The following APPL1 variants were observed in gnomAD, a reference collection of about 807,000 sequenced individuals.
The protein encoded by APPL1 is DCC-interacting protein 13-alpha.
A neutral mutation model predicts 106.8 loss-of-function variants in APPL1; 42 were observed. That is an observed-to-expected ratio of 0.39 (90% CI 0.31 to 0.51). The LOEUF (loss-of-function observed/expected upper bound fraction) is 0.51, where lower values mean the gene tolerates loss of function less well. APPL1 is among the 20% of genes least tolerant of loss of function. The probability of loss-of-function intolerance (pLI) is 0.75; values close to 1 mark genes in which losing one functional copy is unlikely to be tolerated. For missense variants in APPL1, 769 were observed against 858.2 expected, an observed-to-expected ratio of 0.90 and a Z score of 1.30; for synonymous variants, 263 against 281.8, an observed-to-expected ratio of 0.93 and a Z score of 0.67.
At chr3:57,241,330 G>A (rs1480845358) in intron 5 of APPL1, among the ~76,000 whole-genome samples, 1 of 152,156 alleles carries the variant, frequency 6.6e-6, no homozygotes, top group East Asian at 1.9e-4. Flanking sequence ...CTAACAATCT[G>A]CAACCTAGTC....
chr3:57,268,756 T>TTG (rs2060913062), intron 21 of APPL1: 3 of 208,990 alleles, frequency 1.4e-5, no homozygotes. Context: ...GTCAAAGCAG[T>TTG]TGAGAGGCTG....
chr3:57,248,900 G>A (rs142657348), intron 10 of APPL1, among the ~76,000 whole-genome samples: 1 of 152,108 alleles, frequency 6.6e-6, no homozygotes, highest in East Asian at 1.9e-4. Flanking sequence ...ACTAATTTGA[G>A]TTTAAATAAA....
rs2060931488 is a variant in APPL1, at chr3:57,270,703, A to T, written c.*1016A>T. On this transcript the variant is annotated 3_prime_UTR_variant, in exon 22 of 22. Coordinates refer to ENST00000288266, the MANE Select transcript of APPL1 (RefSeq NM_012096.3). ...AGTATTTTCATAATGCCATGTTTTGATAAAGTACTGAATCACCACTTTATA... is the reference window on the plus strand; with the variant it reads ...AGTATTTTCATAATGCCATGTTTTGTTAAAGTACTGAATCACCACTTTATA... The T allele has an allele frequency of 6.6e-6, 1 of 152,590 alleles. No homozygotes were observed. The highest frequency in any genetic ancestry group is 1.5e-5 in the Non-Finnish European group (1 of 68,022). 9.5% of individuals were successfully genotyped at this position (152,590 alleles called of 1,614,324 possible). A position where few individuals can be genotyped will look rare whatever the true frequency, so the allele number is the denominator to read the frequency against.
chr3:57,269,982 G>C lies in APPL1; in HGVS notation c.*295G>C, dbSNP rs1044886827. 4.7e-6 allele frequency: 1 copy of C among 211,302 alleles called. No homozygotes were observed. The allele number at this position is 211,302 out of a possible 1,614,324, so 13.1% of individuals were successfully genotyped here. On this transcript the variant is annotated 3_prime_UTR_variant, in exon 22 of 22. Transcript: ENST00000288266. ...TCAAGAATTTTTTCCGTCAAATTGT[G>C]AACTTTTAATTCTTGCATTGTAATT... is the stretch of plus-strand genomic sequence containing the variant.
intron 19 of APPL1, among the ~76,000 whole-genome samples, chr3:57,266,355 A>G (rs977106265): frequency 3.3e-5 from 5 of 152,050 alleles, no homozygotes; most frequent in African/African-American, 1.2e-4. Flanking sequence ...ACTTTTTATT[A>G]TGGTTTGGAT....
At chr3:57,255,982 T>G (rs9840824) in intron 13 of APPL1, among the ~76,000 whole-genome samples, 12,867 of 152,236 alleles carry the variant, frequency 0.085, 1,814 homozygotes, top group African/African-American at 0.29. Flanking sequence ...TGATCAGTTT[T>G]TAGCATTGTA....
At chr3:57,233,493 AAAAAAC>A (rs1476580958) in intron 1 of APPL1, among the ~76,000 whole-genome samples, 1 of 152,000 alleles carries the variant, frequency 6.6e-6, no homozygotes, top group East Asian at 1.9e-4. Flanking sequence ...TTAGAAAAAA[AAAAAAC>A]AAAACAGAAA....
At chr3:57,246,338 G>C in intron 8 of APPL1, 116 bp downstream of exon 8, 1 of 745,908 alleles carries the variant, frequency 1.3e-6, no homozygotes, top group Non-Finnish European at 1.9e-6. Flanking sequence ...GTTTATGTCT[G>C]TGTTTTAAGA....
At chr3:57,264,649 T>C (rs939982869) in intron 19 of APPL1, among the ~76,000 whole-genome samples, 3 of 151,852 alleles carry the variant, frequency 2.0e-5, no homozygotes, top group East Asian at 1.9e-4. Flanking sequence ...TTTATTCTTC[T>C]ACATATGGAT....
chr3:57,255,794 T>C (rs2060832143), intron 13 of APPL1, among the ~76,000 whole-genome samples: 1 of 152,186 alleles, frequency 6.6e-6, no homozygotes. Flanking sequence ...CAACAAAAAA[T>C]ACCATTAAAA....
In APPL1 at chr3:57,247,446, T is replaced by A. The variant is rs1485635092; in HGVS notation, c.673T>A (p.Phe225Ile). ...AAATCTTAATGAACAACTGGAAGAA[T>A]TTTTAGCTAATATTGGAACAAGCGT... Reference protein sequence around the residue: ...SENLNEQLEEFLANIGTSVQN... With the variant: ...SENLNEQLEEILANIGTSVQN... Residue 225 changes from phenylalanine to isoleucine, a missense_variant, in exon 9 of 22, where the codon TTT (phenylalanine) becomes ATT (isoleucine). Coordinates refer to ENST00000288266, the MANE Select transcript of APPL1 (RefSeq NM_012096.3). The A allele has an allele frequency of 6.2e-7, 1 of 1,610,750 alleles. No individual in the cohort carries two copies. The highest frequency in any genetic ancestry group is 2.2e-5 in the East Asian group (1 of 44,714).
At chr3:57,257,685 C>A (rs1419530896) in intron 15 of APPL1, among the ~76,000 whole-genome samples, 1 of 152,086 alleles carries the variant, frequency 6.6e-6, no homozygotes, top group African/African-American at 2.4e-5. Flanking sequence ...TTCTTGGATA[C>A]TTGCTCTTAA....
In APPL1 at chr3:57,248,229, G is replaced by A. The variant is rs1443429673; in HGVS notation, c.741G>A (p.Met247Ile). 1 of 1,614,156 alleles carries A rather than the reference G, an allele frequency of 6.2e-7. No individual in the cohort carries two copies. Among genetic ancestry groups the A allele is most frequent in the South Asian group, 1.1e-5 (1 of 91,080 alleles). Residue 247 changes from methionine (M) to isoleucine (I), a missense_variant, in exon 10 of 22, where the codon ATG becomes ATA. Met to Ile is a conservative substitution (Grantham distance 10, BLOSUM62 1). Transcript: ENST00000288266. ...RREMDSDIET[M>I]QQTIEDLEVA... ...AAATGGACAGTGATATAGAGACCAT[G>A]CAACAGACAATAGAGGATTTGGAAG...
intron 11 of APPL1, among the ~76,000 whole-genome samples, chr3:57,251,630 G>A (rs1246053301): frequency 6.6e-6 from 1 of 151,178 alleles, no homozygotes; most frequent in African/African-American, 2.4e-5. Flanking sequence ...AATATTGTGT[G>A]GATTTATCAC....
chr3:57,265,920 A>G (rs1362122155), intron 19 of APPL1, among the ~76,000 whole-genome samples: 2 of 152,194 alleles, frequency 1.3e-5, no homozygotes, highest in African/African-American at 4.8e-5. Flanking sequence ...GTTGAACTTT[A>G]TCAAATGCAT....
chr3:57,263,108 C>T (rs535220355), intron 19 of APPL1, among the ~76,000 whole-genome samples: 1 of 152,246 alleles, frequency 6.6e-6, no homozygotes, highest in South Asian at 2.1e-4. Context: ...GCCTCGGCCT[C>T]CCAAAGTGCT....
chr3:57,267,772 A>T lies in APPL1; in HGVS notation c.1873A>T (p.Ile625Leu), dbSNP rs1246003114. The change falls in exon 20 of 22, where the codon ATA becomes TTA. Residue 625 changes from isoleucine to leucine, a missense_variant. Physicochemically the swap from Ile to Leu is conservative, Grantham distance 5. Coordinates refer to ENST00000288266, the MANE Select transcript of APPL1 (RefSeq NM_012096.3). ...TGATTCTGTTGGACTGGCAAAACAGATAGCTTTGCATGCTGAACTGGTAAG... is the reference window on the plus strand; with the variant it reads ...TGATTCTGTTGGACTGGCAAAACAGTTAGCTTTGCATGCTGAACTGGTAAG... ...ICDSVGLAKQ[I>L]ALHAELDRRA... 6.2e-7 allele frequency: 1 copy of T among 1,613,880 alleles called. No homozygotes were observed. The highest frequency in any genetic ancestry group is 8.5e-7 in the Non-Finnish European group (1 of 1,180,010).
At chr3:57,262,942 C>T (rs374812114) in intron 19 of APPL1, among the ~76,000 whole-genome samples, 2 of 151,138 alleles carry the variant, frequency 1.3e-5, no homozygotes, top group African/African-American at 4.9e-5. Flanking sequence ...CCTCCGCCCC[C>T]TCGGGTTTAA....
chr3:57,260,734 C>T lies in APPL1; in HGVS notation c.1802C>T (p.Ser601Leu). The change falls in exon 19 of 22, where the codon TCA becomes TTA. Residue 601 changes from serine (S) to leucine (L), a missense_variant. Physicochemically the swap from Ser to Leu is moderately radical, Grantham distance 145 (BLOSUM62 -2). Coordinates refer to ENST00000288266, the MANE Select transcript of APPL1 (RefSeq NM_012096.3). ...GGGAGAAGTGAAAGTAATCTGTCAT[C>T]AGTCTGCTATATATTTGAGTCAAAC... ...SSGRSESNLS[S>L]VCYIFESNNE... 1.2e-6 allele frequency: 2 copies of T among 1,611,994 alleles called. No individual in the cohort carries two copies. Among genetic ancestry groups the T allele is most frequent in the Non-Finnish European group, 8.5e-7 (1 of 1,178,686 alleles).
Sources: gnomAD v4.1 joint callset for allele counts (sites outside exome capture counted in the v4.1 genomes callset) on GRCh38, gnomAD v4.1.1 for gene constraint, MANE v1.5 for transcripts, NCBI Gene and HGNC (gene_info 2026-07-23, HGNC 2026-07-21) for gene names.